The following SLC24A1 variants were observed in gnomAD, a reference collection of about 807,000 sequenced individuals.
SLC24A1 encodes sodium/potassium/calcium exchanger 1.
SLC24A1 carries 52 observed loss-of-function variants against 88.1 expected under a neutral mutation model. The observed-to-expected ratio is 0.59, with a 90% confidence interval of 0.47 to 0.74. The LOEUF (loss-of-function observed/expected upper bound fraction) is 0.74, where lower values mean the gene tolerates loss of function less well. Ranked by LOEUF, SLC24A1 falls within the 30% of genes least tolerant of loss-of-function variation. The probability of loss-of-function intolerance (pLI) is 0.00; values close to 1 mark genes in which losing one functional copy is unlikely to be tolerated. For synonymous variants in SLC24A1, 455 were observed against 498.0 expected (o/e 0.91, Z 1.15); for missense variants, 1,173 against 1,363.3 (o/e 0.86, Z 2.20).
chr15:65,652,910 A>G, intron 9 of SLC24A1, 102 bp downstream of exon 9: 2 of 920,348 alleles, frequency 2.2e-6, no homozygotes, highest in Non-Finnish European at 3.2e-6. Flanking sequence ...TACATAGAAT[A>G]AAAGGGCATT....
At position 65,639,633 on chromosome 15, in the gene SLC24A1, T is replaced by A. The variant is rs780723834; in HGVS notation, c.1983T>A (p.Ser661=). Residue 661 remains serine, a synonymous_variant, in exon 4 of 10, where the codon TCT becomes TCA. Coordinates refer to ENST00000261892, the MANE Select transcript of SLC24A1 (RefSeq NM_004727.3). ...SLLTRGSSST[S]LHNSTIRSTI... Reference sequence around the variant, plus strand: ...TGACCCGAGGGAGCAGCTCGACCTCTCTGCACAACAGCACCATCCGCAGCA... The same window carrying A: ...TGACCCGAGGGAGCAGCTCGACCTCACTGCACAACAGCACCATCCGCAGCA... The A allele has an allele frequency of 1.1e-5, 18 of 1,612,702 alleles. No individual in the cohort carries two copies. Among genetic ancestry groups the A allele is most frequent in the Non-Finnish European group, 1.4e-5 (17 of 1,179,506 alleles).
rs1433961660 is a variant in SLC24A1, at chr15:65,655,695, A to T, written c.*1616A>T. ...AAGATGAAAAGATAGGACGGATGTG[A>T]TATGAAAAAAACCCAAACATTTTGG... On this transcript the variant is annotated 3_prime_UTR_variant, in exon 10 of 10. Transcript: ENST00000261892. 17 of 985,292 alleles carry T rather than the reference A, an allele frequency of 1.7e-5. No homozygotes were observed. The highest frequency in any genetic ancestry group is 1.9e-5 in the Non-Finnish European group (16 of 829,906). 61.0% of individuals were successfully genotyped at this position (985,292 alleles called of 1,614,324 possible). A position where few individuals can be genotyped will look rare whatever the true frequency, so the allele number is the denominator to read the frequency against.
At chr15:65,628,206 G>A (rs774885417) in intron 2 of SLC24A1, among the ~76,000 whole-genome samples, 10 of 152,062 alleles carry the variant, frequency 6.6e-5, no homozygotes, top group African/African-American at 9.7e-5. Flanking sequence ...TGATCCTCCC[G>A]CCTCAGCTTC....
At chr15:65,631,746 G>T (rs1283142304) in intron 2 of SLC24A1, among the ~76,000 whole-genome samples, 2 of 152,080 alleles carry the variant, frequency 1.3e-5, no homozygotes, top group African/African-American at 4.8e-5. Flanking sequence ...CATTAGTTTC[G>T]CTTTTAATGG....
chr15:65,634,119 A>G (rs1181289522), intron 2 of SLC24A1, among the ~76,000 whole-genome samples: 3 of 152,182 alleles, frequency 2.0e-5, no homozygotes, highest in African/African-American at 7.2e-5. Flanking sequence ...TATTCAGTGA[A>G]GGGCTAAAGT....
At chr15:65,644,260 A>G (rs2141646577) in intron 4 of SLC24A1, 167 bp from the exon 5 acceptor site, 1 of 654,948 alleles carries the variant, frequency 1.5e-6, no homozygotes, top group African/African-American at 1.8e-5. Context: ...TAGGCACCAC[A>G]ACTAGGCCTC....
chr15:65,646,625 G>C (rs2075310724), intron 6 of SLC24A1, among the ~76,000 whole-genome samples: 1 of 152,086 alleles, frequency 6.6e-6, no homozygotes, highest in Non-Finnish European at 1.5e-5. Flanking sequence ...CCTGCTAGGT[G>C]GTGAGGTTCC....
rs372137068 is a variant in SLC24A1, at chr15:65,645,697, C to A, written c.2226C>A (p.Gly742=). The A allele has an allele frequency of 1.9e-6, 3 of 1,569,724 alleles. No homozygotes were observed. Among genetic ancestry groups the A allele is most frequent in the Admixed American group, 1.9e-5 (1 of 53,502 alleles). Residue 742 remains glycine, a synonymous_variant, in exon 6 of 10, where the codon GGC becomes GGA. Coordinates refer to ENST00000261892, the MANE Select transcript of SLC24A1 (RefSeq NM_004727.3). The stretch of plus-strand genomic sequence containing the variant: ...AGGGAGATCAGAAGGAGAATCCAGG[C>A]GGTCAGGTAGGCACCCAGCCTTGGC... ...DIKGDQKENP[G]GQEDVAEAES...
intron 2 of SLC24A1, among the ~76,000 whole-genome samples, chr15:65,628,406 G>T (rs776425838): frequency 6.6e-6 from 1 of 152,186 alleles, no homozygotes; most frequent in Non-Finnish European, 1.5e-5. Flanking sequence ...CCAGTGTCTT[G>T]TTCTTAGAAG....
chr15:65,640,299 C>T (rs1007655246), intron 4 of SLC24A1, among the ~76,000 whole-genome samples: 5 of 152,166 alleles, frequency 3.3e-5, no homozygotes, highest in East Asian at 1.9e-4. Flanking sequence ...TTAAGGGTGA[C>T]GAGGGTAAGA....
intron 6 of SLC24A1, among the ~76,000 whole-genome samples, chr15:65,646,298 T>C (rs1209661550): frequency 6.6e-6 from 1 of 152,042 alleles, no homozygotes; most frequent in Non-Finnish European, 1.5e-5. Flanking sequence ...AGGATGGTCT[T>C]GATCTCCTGA....
chr15:65,614,542 C>T (rs570113348), intron 2 of SLC24A1, among the ~76,000 whole-genome samples: 5 of 152,282 alleles, frequency 3.3e-5, no homozygotes, highest in African/African-American at 1.2e-4. Flanking sequence ...TCTTTTCCTT[C>T]GAAATGTATT....
chr15:65,622,685 T>G (rs1322574613), intron 1 of SLC24A1, among the ~76,000 whole-genome samples: 1 of 152,180 alleles, frequency 6.6e-6, no homozygotes, highest in African/African-American at 2.4e-5. Flanking sequence ...TTGAGGGCCT[T>G]TCATGTTCTT....
intron 9 of SLC24A1, chr15:65,653,038 T>C (rs2075556438): frequency 8.1e-6 from 3 of 371,584 alleles, no homozygotes; most frequent in Non-Finnish European, 1.4e-5. Flanking sequence ...ACAGATAAAT[T>C]GAAAACCAAA....
Position 65,655,345 on chromosome 15 carries a change from T to C in SLC24A1, c.*1266T>C. The C allele has an allele frequency of 1.0e-6, 1 of 985,236 alleles. No homozygotes were observed. The highest frequency in any genetic ancestry group is 4.7e-5 in the South Asian group (1 of 21,288). 61.0% of individuals were successfully genotyped at this position (985,236 alleles called of 1,614,324 possible). ...ACTGATTTCTTCTGTGGTTTATGAATGGATCTTAAGGTAATTACAAAAGGG... is the reference window on the plus strand; with the variant it reads ...ACTGATTTCTTCTGTGGTTTATGAACGGATCTTAAGGTAATTACAAAAGGG... On this transcript the variant is annotated 3_prime_UTR_variant, in exon 10 of 10. Coordinates refer to ENST00000261892, the MANE Select transcript of SLC24A1 (RefSeq NM_004727.3).
chr15:65,628,056 G>A (rs2074580236), intron 2 of SLC24A1, among the ~76,000 whole-genome samples: 1 of 152,004 alleles, frequency 6.6e-6, no homozygotes, highest in Non-Finnish European at 1.5e-5. Flanking sequence ...GAACTCCTGG[G>A]CTCAAGCAAT....
chr15:65,650,280 A>G lies in SLC24A1; in HGVS notation c.2233-102A>G. On this transcript the variant is annotated intron_variant, in intron 6 of 9. Transcript: ENST00000261892. The surrounding 1 kb of genome is among the most constrained non-coding windows in gnomAD (Gnocchi z 4.1). ...GTTTTCTCCTCATACTTAAGTTTTC[A>G]GATACCTTCTGAGAAGCACGCCAAC... is the stretch of plus-strand genomic sequence containing the variant. 2 of 938,502 alleles carry G rather than the reference A, an allele frequency of 2.1e-6. No homozygotes were observed. The highest frequency in any genetic ancestry group is 2.7e-5 in the Admixed American group (1 of 36,394). 58.1% of individuals were successfully genotyped at this position (938,502 alleles called of 1,614,324 possible). A position where few individuals can be genotyped will look rare whatever the true frequency, so the allele number is the denominator to read the frequency against.
chr15:65,624,585 A>G lies in SLC24A1; in HGVS notation c.505A>G (p.Thr169Ala). The change falls in exon 2 of 10, where the codon ACA becomes GCA. Residue 169 changes from threonine (T) to alanine (A), a missense_variant. Transcript: ENST00000261892. ...SRQIVKKYTP[T>A]PRGEMKSYSP... ...ACAAATAGTAAAAAAGTATACCCCA[A>G]CACCCAGGGGAGAAATGAAGAGCTA... is the stretch of plus-strand genomic sequence containing the variant. The G allele has an allele frequency of 6.3e-7, 1 of 1,594,546 alleles. No homozygotes were observed. Among genetic ancestry groups the G allele is most frequent in the South Asian group, 1.1e-5 (1 of 88,380 alleles).
Position 65,625,472 on chromosome 15 carries a change from T to C in SLC24A1, c.1392T>C (p.Tyr464=). ...TCCTGCACGTTTTTGGCATGATGTA[T>C]GTGTTTGTGGCCTTGGCCATTGTTT... ...WVVLHVFGMM[Y]VFVALAIVCD... The change falls in exon 2 of 10, where the codon TAT becomes TAC. Residue 464 remains tyrosine, a synonymous_variant. Coordinates refer to ENST00000261892, the MANE Select transcript of SLC24A1 (RefSeq NM_004727.3). 1.2e-6 allele frequency: 2 copies of C among 1,613,946 alleles called. No individual in the cohort carries two copies. The highest frequency in any genetic ancestry group is 1.7e-6 in the Non-Finnish European group (2 of 1,179,860).
Sources: gnomAD v4.1 joint callset for allele counts (sites outside exome capture counted in the v4.1 genomes callset) on GRCh38, gnomAD v4.1.1 for gene constraint, Gnocchi (gnomAD v3.1) non-coding constraint, MANE v1.5 for transcripts, NCBI Gene and HGNC (gene_info 2026-07-23, HGNC 2026-07-21) for gene names.